The following GLYATL2 variants were observed in gnomAD, a reference collection of about 807,000 sequenced individuals.
The protein encoded by GLYATL2 is glycine N-acyltransferase-like protein 2.
GLYATL2 carries 25 observed loss-of-function variants against 21.4 expected under a neutral mutation model. That is an observed-to-expected ratio of 1.17 (90% CI 0.85 to 1.63). The LOEUF (loss-of-function observed/expected upper bound fraction) is 1.63. GLYATL2 is among the 40% of genes most tolerant of loss of function. The pLI is 0.00. For missense variants in GLYATL2, 361 were observed against 343.3 expected, an observed-to-expected ratio of 1.05 and a Z score of -0.41; for synonymous variants, 114 against 118.2, an observed-to-expected ratio of 0.96 and a Z score of 0.23.
Position 58,834,695 on chromosome 11 carries a change from G to A in GLYATL2, c.619C>T (p.Pro207Ser), listed in dbSNP as rs1361662779. The change falls in exon 6 of 6, where the codon CCA (proline) becomes TCA (serine). Residue 207 changes from proline to serine, a missense_variant. By Grantham distance (74) the Pro-to-Ser change is moderately conservative (BLOSUM62 -1). Coordinates refer to ENST00000287275, the MANE Select transcript of GLYATL2 (RefSeq NM_145016.4). ...ATCCAAGAGACAAGCTGGCCCTCTG[G>A]ACCCAGCACACCAAATCCTAGAAAA... Reference protein sequence around the residue: ...QDFLGFGVLGPEGQLVSWIVM... With the variant: ...QDFLGFGVLGSEGQLVSWIVM... 9 of 1,613,426 alleles carry A rather than the reference G, an allele frequency of 5.6e-6. No individual in the cohort carries two copies. Among genetic ancestry groups the A allele is most frequent in the East Asian group, 2.2e-5 (1 of 44,874 alleles).
chr11:58,854,317 G>T (rs1030543735), intron 1 of GLYATL2, among the ~76,000 whole-genome samples: 1 of 152,188 alleles, frequency 6.6e-6, no homozygotes, highest in Non-Finnish European at 1.5e-5. Flanking sequence ...GATATGGAGG[G>T]TTTAGTTCCA....
chr11:58,867,577 T>C (rs1854043944), intron 1 of GLYATL2, among the ~76,000 whole-genome samples: 1 of 148,744 alleles, frequency 6.7e-6, no homozygotes, highest in Admixed American at 6.9e-5. Context: ...CAGAGGTCCC[T>C]CACACAGCCT....
In GLYATL2 at chr11:58,854,743, T is replaced by C. The variant is rs2134589580; in HGVS notation, n.61-16375A>G. ...ACCCACAGTAAAACTTCATTCAAAA[T>C]TGGAATCAACCCTTTCAACCCTCGC... On this transcript the variant is annotated intron_variant and non_coding_transcript_variant, in intron 1 of 4. Coordinates refer to the GLYATL2 transcript ENST00000533636. 2.0e-5 allele frequency among the ~76,000 whole-genome samples: 3 copies of C among 152,304 alleles called. No individual in the cohort carries two copies. The Middle Eastern group carries it at 0.01, about 518-fold the overall frequency.
At chr11:58,885,486 T>A (rs1274947616) in intron 1 of GLYATL2, 2 of 509,316 alleles carry the variant, frequency 3.9e-6, no homozygotes, top group Non-Finnish European at 7.9e-6. Flanking sequence ...AACATGGAGG[T>A]GCTGGTGGAC....
chr11:58,907,648 T>C (rs1854934135), upstream of GLYATL2: 2 of 210,912 alleles, frequency 9.5e-6, no homozygotes, highest in Non-Finnish European at 2.0e-5. Flanking sequence ...TCATTGTGGG[T>C]CATATTTTTT....
intron 1 of GLYATL2, among the ~76,000 whole-genome samples, chr11:58,856,194 G>A (rs549374121): frequency 6.6e-6 from 1 of 151,994 alleles, no homozygotes; most frequent in African/African-American, 2.4e-5. Context: ...ACCAACCTCT[G>A]ATAGCTTCCA....
chr11:58,887,430 G>A lies in GLYATL2; in HGVS notation n.60+16726C>T, dbSNP rs1854462868. 2.6e-5 allele frequency among the ~76,000 whole-genome samples: 4 copies of A among 152,070 alleles called. No homozygotes were observed. In the South Asian group the frequency reaches 8.3e-4, roughly 32 times the overall value. On this transcript the variant is annotated intron_variant and non_coding_transcript_variant, in intron 1 of 4. Transcript: ENST00000533636. ...AAAAAAAGTAACTTTTTCTTAATTG[G>A]TTTTTAATCTCAAAGATAATATATG... is the stretch of plus-strand genomic sequence containing the variant.
intron 1 of GLYATL2, among the ~76,000 whole-genome samples, chr11:58,865,907 G>A (rs1468449138): frequency 2.0e-5 from 3 of 149,108 alleles, no homozygotes; most frequent in African/African-American, 7.3e-5. Flanking sequence ...TTACTTTGTA[G>A]TATAGCCAAA....
At position 58,880,121 on chromosome 11, in the gene GLYATL2, G is replaced by T. The variant is rs143097427; in HGVS notation, n.60+24035C>A. The stretch of plus-strand genomic sequence containing the variant: ...GATCCGCCCACCTCGGCCTCCCAAA[G>T]TGCGGGGATTACAGGCGTGAGCCAC... On this transcript the variant is annotated intron_variant and non_coding_transcript_variant, in intron 1 of 4. Coordinates refer to the GLYATL2 transcript ENST00000533636. Among the ~76,000 whole-genome samples, 814 of 152,282 alleles carry T rather than the reference G, an allele frequency of 5.3e-3. 9 individuals carry two copies. The highest frequency in any genetic ancestry group is 0.019 in the African/African-American group (784 of 41,562).
rs577101731 is a variant in GLYATL2 at position 58,874,339 on chromosome 11, T to A, written n.60+29817A>T. Among the ~76,000 whole-genome samples the A allele has an allele frequency of 2.6e-5, 4 of 152,354 alleles. No homozygotes were observed. In the South Asian group the frequency reaches 8.3e-4, roughly 32 times the overall value. On this transcript the variant is annotated intron_variant and non_coding_transcript_variant, in intron 1 of 4. Transcript: ENST00000533636. ...TTCTTGCCTTCTGCTAGCTTTTGAATGTGTTTGCTTTTGCTTCTCTAGTTC... is the reference window on the plus strand; with the variant it reads ...TTCTTGCCTTCTGCTAGCTTTTGAAAGTGTTTGCTTTTGCTTCTCTAGTTC...
chr11:58,841,215 T>C (rs1853545607), intron 1 of GLYATL2, among the ~76,000 whole-genome samples: 1 of 152,162 alleles, frequency 6.6e-6, no homozygotes, highest in Non-Finnish European at 1.5e-5. Context: ...ATGACATCTA[T>C]GTATGCATGT....
intron 1 of GLYATL2, among the ~76,000 whole-genome samples, chr11:58,857,186 C>T (rs1350387025): frequency 2.0e-5 from 3 of 152,184 alleles, no homozygotes; most frequent in Non-Finnish European, 4.4e-5. Context: ...CAACAGTTAT[C>T]TTTCATCTTC....
rs183198644 is a variant in GLYATL2 at position 58,867,220 on chromosome 11, T to C, written n.61-28852A>G. Among the ~76,000 whole-genome samples the C allele has an allele frequency of 3.4e-5, 5 of 149,046 alleles. 2 individuals carry two copies. The highest frequency in any genetic ancestry group is 4.5e-4 in the East Asian group (2 of 4,462). The stretch of plus-strand genomic sequence containing the variant: ...ATAGGCCAACACATAGATAATATAA[T>C]AGATTTAAAATGTGTATATTTTATA... On this transcript the variant is annotated intron_variant and non_coding_transcript_variant, in intron 1 of 4. Coordinates refer to the GLYATL2 transcript ENST00000533636.
intron 1 of GLYATL2, among the ~76,000 whole-genome samples, chr11:58,866,436 G>C (rs1854024372): frequency 6.7e-6 from 1 of 148,752 alleles, no homozygotes; most frequent in Non-Finnish European, 1.5e-5. Flanking sequence ...CTGACTGGAT[G>C]AACAACCCCT....
intron 1 of GLYATL2, among the ~76,000 whole-genome samples, chr11:58,866,330 C>T (rs900241910): frequency 1.3e-5 from 2 of 148,854 alleles, no homozygotes; most frequent in African/African-American, 2.4e-5. Context: ...CTTGGCTCCT[C>T]TATGCCTTCC....
In GLYATL2 at chr11:58,834,780, T is replaced by G. The variant is rs375653649; in HGVS notation, c.534A>C (p.Glu178Asp). The part of the protein sequence containing the change: ...LDASHAGLVN[E>D]HWAFGKNERS... ...TCTCATTTTTCCCAAAGGCCCAGTG[T>G]TCATTCACAAGACCTGCATGTGAAG... Residue 178 changes from glutamate to aspartate, a missense_variant, in exon 6 of 6, where the codon GAA (glutamate) becomes GAC (aspartate). Coordinates refer to ENST00000287275, the MANE Select transcript of GLYATL2 (RefSeq NM_145016.4). 26 of 1,613,472 alleles carry G rather than the reference T, an allele frequency of 1.6e-5. No homozygotes were observed. The highest frequency in any genetic ancestry group is 1.9e-5 in the Non-Finnish European group (23 of 1,179,762).
At chr11:58,893,222 A>T (rs1854576015) in intron 1 of GLYATL2, 1 of 293,814 alleles carries the variant, frequency 3.4e-6, no homozygotes, top group South Asian at 1.3e-4. Context: ...ATAACCATGG[A>T]CTCTTCTTGT....
chr11:58,880,284 T>G (rs1309322308), intron 1 of GLYATL2, among the ~76,000 whole-genome samples: 1 of 152,130 alleles, frequency 6.6e-6, no homozygotes, highest in Non-Finnish European at 1.5e-5. Flanking sequence ...TGTTAGAAGC[T>G]GAGGCCAGGA....
intron 1 of GLYATL2, among the ~76,000 whole-genome samples, chr11:58,893,677 A>G (rs1286492922): frequency 1.3e-5 from 2 of 152,194 alleles, no homozygotes; most frequent in Non-Finnish European, 1.5e-5. Flanking sequence ...GTCTTTGAAT[A>G]TGCATAAGTG....
Sources: gnomAD v4.1 joint callset for allele counts (sites outside exome capture counted in the v4.1 genomes callset) on GRCh38, gnomAD v4.1.1 for gene constraint, MANE v1.5 for transcripts, NCBI Gene and HGNC (gene_info 2026-07-23, HGNC 2026-07-21) for gene names.